Variants in DNAI4 observed in about 807,000 individuals in gnomAD.
DNAI4 encodes the protein dynein axonemal intermediate chain 4.
A neutral mutation model predicts 105.8 loss-of-function variants in DNAI4; 85 were observed. The ratio of observed to expected loss-of-function variants is 0.80; its 90% CI spans 0.67 to 0.96. The LOEUF (loss-of-function observed/expected upper bound fraction) is 0.96, where lower values mean the gene tolerates loss of function less well. Ranked by LOEUF, DNAI4 falls within the 40% of genes least tolerant of loss-of-function variation. The pLI is 0.00. For synonymous variants in DNAI4, 352 were observed against 331.5 expected, an observed-to-expected ratio of 1.06 and a Z score of -0.67; for missense variants, 1,014 against 1,005.6, an observed-to-expected ratio of 1.01 and a Z score of -0.11.
rs183422684 is a variant in DNAI4 at position 66,829,838 on chromosome 1, T to C, written c.2014-1928A>G. ...GGGCTTTATAACAAATCTTAATAAA[T>C]TCACGGAGTTCAGTTTATAAAAAGT... On this transcript the variant is annotated intron_variant, in intron 13 of 16. Coordinates refer to ENST00000371026, the MANE Select transcript of DNAI4 (RefSeq NM_024763.5). Among the ~76,000 whole-genome samples the C allele has an allele frequency of 1.1e-4, 16 of 152,284 alleles. No individual in the cohort carries two copies. The East Asian group carries it at 2.9e-3, about 28-fold the overall frequency.
chr1:66,869,444 T>C (rs1569666086), intron 6 of DNAI4, among the ~76,000 whole-genome samples: 1 of 152,106 alleles, frequency 6.6e-6, no homozygotes, highest in South Asian at 2.1e-4. Flanking sequence ...AAAATATGAA[T>C]AGGTTTCCTA....
At chr1:66,864,582 T>G (rs1646692445) in intron 6 of DNAI4, among the ~76,000 whole-genome samples, 1 of 152,208 alleles carries the variant, frequency 6.6e-6, no homozygotes, top group Non-Finnish European at 1.5e-5. Context: ...CCAGGCGCGG[T>G]GGCTCACGCC....
In DNAI4 at chr1:66,834,034, T is replaced by G; in HGVS notation, c.1848A>C (p.Gly616=). Residue 616 remains glycine, a synonymous_variant, in exon 12 of 17, where the codon GGA becomes GGC. Coordinates refer to ENST00000371026, the MANE Select transcript of DNAI4 (RefSeq NM_024763.5). The part of the protein sequence containing the change: ...REILVSISAD[G]RISKWVIRKG... ...TTCGTATAACCCATTTGGAGATTCTTCCATCTGCTGATATAGAAACTAGTA... is the reference window on the plus strand; with the variant it reads ...TTCGTATAACCCATTTGGAGATTCTGCCATCTGCTGATATAGAAACTAGTA... The G allele has an allele frequency of 6.2e-7, 1 of 1,611,656 alleles. No homozygotes were observed. Among genetic ancestry groups the G allele is most frequent in the Non-Finnish European group, 8.5e-7 (1 of 1,179,098 alleles).
chr1:66,827,886 T>G lies in DNAI4; in HGVS notation c.2038A>C (p.Thr680Pro). The part of the protein sequence containing the change: ...PKDTNIYLAG[T>P]EEGHIHKCSC... The stretch of plus-strand genomic sequence containing the variant: ...CATTTGTGAATATGACCTTCTTCAG[T>G]GCCAGCCAAATAGATATTTGTGTCC... The change falls in exon 14 of 17, where the codon ACT (threonine) becomes CCT (proline). Residue 680 changes from threonine (T) to proline (P), a missense_variant. Transcript: ENST00000371026. 1.9e-6 allele frequency: 3 copies of G among 1,605,456 alleles called. No homozygotes were observed. Among genetic ancestry groups the G allele is most frequent in the Non-Finnish European group, 2.6e-6 (3 of 1,176,058 alleles).
At chr1:66,888,873 T>C (rs1647361875) in intron 4 of DNAI4, among the ~76,000 whole-genome samples, 1 of 152,258 alleles carries the variant, frequency 6.6e-6, no homozygotes, top group Admixed American at 6.5e-5. Flanking sequence ...TTAGTCTTTA[T>C]GCTAAGAGTA....
intron 1 of DNAI4, among the ~76,000 whole-genome samples, chr1:66,922,568 A>G (rs1197113615): frequency 2.0e-5 from 3 of 152,322 alleles, no homozygotes; most frequent in African/African-American, 7.2e-5. Flanking sequence ...ATTGATTACT[A>G]CCTGGAGGGT....
rs114700067 is a variant in DNAI4 at position 66,905,372 on chromosome 1, G to T, written c.174C>A (p.Asn58Lys). The T allele has an allele frequency of 4.2e-5, 60 of 1,432,094 alleles. No homozygotes were observed. The African/African-American group carries it at 6.1e-4, about 15-fold the overall frequency. The allele number at this position is 1,432,094 out of a possible 1,614,324, so 88.7% of individuals were successfully genotyped here. Residue 58 changes from asparagine to lysine, a missense_variant, in exon 2 of 17, where the codon AAC becomes AAA. Asn to Lys is a moderately conservative substitution (Grantham distance 94, BLOSUM62 0). Coordinates refer to ENST00000371026, the MANE Select transcript of DNAI4 (RefSeq NM_024763.5). Reference protein sequence around the residue: ...GSHKQQNFGLNNATQPKKSIS... With the variant: ...GSHKQQNFGLKNATQPKKSIS... ...TAGACTTCTTTGGTTGTGTGGCATT[G>T]TTCCTATATAAGAAAAATAAAATAT...
intron 4 of DNAI4, among the ~76,000 whole-genome samples, chr1:66,883,853 TGA>T (rs1296184068): frequency 6.6e-6 from 1 of 152,216 alleles, no homozygotes; most frequent in Non-Finnish European, 1.5e-5. Context: ...TGAAAATATT[TGA>T]AATTTCTCTT....
intron 2 of DNAI4, among the ~76,000 whole-genome samples, chr1:66,895,799 T>A (rs956105149): frequency 2.6e-5 from 4 of 152,194 alleles, no homozygotes; most frequent in Non-Finnish European, 5.9e-5. Context: ...ATTGAAATGA[T>A]CATATGCTTT....
intron 11 of DNAI4, among the ~76,000 whole-genome samples, chr1:66,835,279 T>C (rs2312592): frequency 0.42 from 63,917 of 151,906 alleles, 13,965 homozygotes; most frequent in East Asian, 0.68. Context: ...ATAATTTTTA[T>C]ATACAATGTG....
intron 1 of DNAI4, among the ~76,000 whole-genome samples, chr1:66,916,888 C>CT (rs1418217119): frequency 1.5e-4 from 20 of 130,272 alleles, no homozygotes; most frequent in African/African-American, 7.0e-4. Flanking sequence ...AAGATTTTTG[C>CT]CTTTTTTTTT....
chr1:66,827,061 A>C lies in DNAI4; in HGVS notation c.2113-15T>G, dbSNP rs1323663592. On this transcript the variant is annotated splice_polypyrimidine_tract_variant and intron_variant, in intron 14 of 16. Coordinates refer to ENST00000371026, the MANE Select transcript of DNAI4 (RefSeq NM_024763.5). ...TACACTGGACCCTAGAAATAAAAAA[A>C]AAATACATAGGTAAATAATATTTAA... is the stretch of plus-strand genomic sequence containing the variant. The C allele has an allele frequency of 1.9e-6, 3 of 1,573,258 alleles. No individual in the cohort carries two copies. The highest frequency in any genetic ancestry group is 1.4e-5 in the African/African-American group (1 of 72,918).
intron 7 of DNAI4, among the ~76,000 whole-genome samples, chr1:66,855,266 AG>A (rs1015712555): frequency 2.0e-5 from 3 of 152,194 alleles, no homozygotes; most frequent in Non-Finnish European, 4.4e-5. Context: ...ACCACAATAA[AG>A]GCTCTTGCCC....
chr1:66,886,206 C>A (rs1448139455), intron 4 of DNAI4, among the ~76,000 whole-genome samples: 3 of 152,114 alleles, frequency 2.0e-5, no homozygotes, highest in Non-Finnish European at 2.9e-5. Context: ...GTATAATTTT[C>A]ATCTCTCTGC....
At chr1:66,840,800 A>C in intron 8 of DNAI4, 129 bp from the exon 9 acceptor site, 1 of 964,390 alleles carries the variant, frequency 1.0e-6, no homozygotes. Context: ...CATATGGTGC[A>C]AGTGGCAGGG....
chr1:66,900,973 G>A (rs1293968888), intron 2 of DNAI4, among the ~76,000 whole-genome samples: 3 of 152,148 alleles, frequency 2.0e-5, no homozygotes, highest in Non-Finnish European at 4.4e-5. Flanking sequence ...TGATCATAAG[G>A]AGATTAAGTG....
At chr1:66,828,882 T>C (rs1394527210) in intron 13 of DNAI4, among the ~76,000 whole-genome samples, 1 of 152,226 alleles carries the variant, frequency 6.6e-6, no homozygotes, top group East Asian at 1.9e-4. Context: ...AATTCCTTTT[T>C]TAATATGGAT....
intron 2 of DNAI4, among the ~76,000 whole-genome samples, chr1:66,894,816 A>T (rs1174630606): frequency 6.6e-6 from 1 of 152,194 alleles, no homozygotes; most frequent in Non-Finnish European, 1.5e-5. Flanking sequence ...ATGTTTTATT[A>T]AGCCTGGTAT....
At chr1:66,919,245 G>C (rs1198394000) in intron 1 of DNAI4, 1 of 250,032 alleles carries the variant, frequency 4.0e-6, no homozygotes, top group Admixed American at 3.9e-5. Context: ...ACTGAGACCT[G>C]TCTCAAATTC....
Sources: allele counts gnomAD v4.1 joint callset (sites outside exome capture counted in the v4.1 genomes callset), GRCh38; gene constraint gnomAD v4.1.1; transcripts MANE v1.5; gene names NCBI Gene and HGNC (gene_info 2026-07-23, HGNC 2026-07-21).